The following ZDHHC15 variants were observed in gnomAD, a reference collection of about 807,000 sequenced individuals.
ZDHHC15 encodes the protein zDHHC palmitoyltransferase 15.
ZDHHC15 carries 19 observed loss-of-function variants against 31.7 expected under a neutral mutation model. The ratio of observed to expected loss-of-function variants is 0.60; its 90% CI spans 0.42 to 0.88. ZDHHC15 has a LOEUF of 0.88. ZDHHC15 is among the 40% of genes least tolerant of loss of function. The pLI is 0.00. For missense variants in ZDHHC15, 209 were observed against 251.2 expected (o/e 0.83, Z 1.14); for synonymous variants, 103 against 90.0 (o/e 1.14, Z -0.82).
intron 2 of ZDHHC15, among the ~76,000 whole-genome samples, chrX:75,492,999 T>A (rs2148015587): frequency 9.1e-6 from 1 of 110,439 alleles, no homozygotes; most frequent in East Asian, 2.9e-4. Context: ...CAGGAACTGG[T>A]TTTTTCAAAA....
intron 2 of ZDHHC15, among the ~76,000 whole-genome samples, chrX:75,479,331 C>T (rs1158510959): frequency 3.6e-5 from 4 of 111,835 alleles, no homozygotes; most frequent in Non-Finnish European, 7.5e-5. Flanking sequence ...TTACACAGCA[C>T]TTTAGAGTTT....
rs534146343 is a variant in ZDHHC15, at chrX:75,425,567, A to G, written c.604-783T>C. Among the ~76,000 whole-genome samples, 8 of 112,598 alleles carry G rather than the reference A, an allele frequency of 7.1e-5. No homozygotes were observed. In the South Asian group the frequency reaches 2.9e-3, roughly 41 times the overall value. On this transcript the variant is annotated intron_variant, in intron 7 of 11. Transcript: ENST00000373367. ...GCAGCATGTAACATTTATCTTCTGA[A>G]GAGAATCTTAGAAAACATTTTCAAT...
intron 9 of ZDHHC15, among the ~76,000 whole-genome samples, chrX:75,418,296 G>T (rs777388058): frequency 2.7e-5 from 3 of 111,553 alleles, no homozygotes; most frequent in Non-Finnish European, 3.8e-5. Flanking sequence ...CAATCAAGGA[G>T]AAATTTTTCC....
chrX:75,444,718 A>G (rs2084009131), intron 4 of ZDHHC15, among the ~76,000 whole-genome samples: 1 of 95,497 alleles, frequency 1.0e-5, no homozygotes, highest in Non-Finnish European at 2.0e-5. Context: ...ACACAAATTT[A>G]TGTAGAATGG....
chrX:75,405,808 C>A (rs1454673531), intron 10 of ZDHHC15, among the ~76,000 whole-genome samples: 2 of 111,685 alleles, frequency 1.8e-5, no homozygotes, highest in African/African-American at 6.5e-5. Context: ...CACACTATAC[C>A]TAATAGGCCC....
At chrX:75,457,029 G>A (rs2084235010) in intron 3 of ZDHHC15, among the ~76,000 whole-genome samples, 1 of 111,900 alleles carries the variant, frequency 8.9e-6, no homozygotes, top group African/African-American at 3.2e-5. Context: ...GTTTGGCACA[G>A]TGTAAGTACT....
At chrX:75,451,608 G>T (rs1040115645) in intron 3 of ZDHHC15, among the ~76,000 whole-genome samples, 4 of 111,400 alleles carry the variant, frequency 3.6e-5, no homozygotes, top group African/African-American at 1.3e-4. Context: ...TGAAAAAAAG[G>T]ATCTGTGGTC....
At chrX:75,441,666 C>T (rs2083942995) in intron 4 of ZDHHC15, among the ~76,000 whole-genome samples, 1 of 105,244 alleles carries the variant, frequency 9.5e-6, no homozygotes, top group African/African-American at 3.5e-5. Context: ...CTCTGTCGCC[C>T]AGGCTGGAGT....
intron 10 of ZDHHC15, among the ~76,000 whole-genome samples, chrX:75,411,627 G>T (rs73625845): frequency 0.012 from 1,315 of 112,204 alleles, 23 homozygotes; most frequent in African/African-American, 0.041. Context: ...TACACATTAT[G>T]AATGTATAAA....
At chrX:75,400,775 A>T (rs1401911748) in intron 10 of ZDHHC15, among the ~76,000 whole-genome samples, 1 of 111,787 alleles carries the variant, frequency 8.9e-6, no homozygotes. Context: ...CAGGCTAACA[A>T]TGGAACTCTC....
chrX:75,390,066 T>C (rs1473029727), intron 10 of ZDHHC15, among the ~76,000 whole-genome samples: 1 of 111,909 alleles, frequency 8.9e-6, no homozygotes, highest in East Asian at 2.8e-4. Context: ...ACATTGCCAG[T>C]AGCCAGGCAG....
intron 1 of ZDHHC15, 100 bp from the exon 2 acceptor site, chrX:75,505,947 C>A: frequency 2.7e-6 from 2 of 735,034 alleles, no homozygotes; most frequent in East Asian, 3.3e-5. Flanking sequence ...TTGTCTAACT[C>A]ATTTTCCACA....
At chrX:75,442,751 C>A (rs1433941673) in intron 4 of ZDHHC15, among the ~76,000 whole-genome samples, 2 of 110,526 alleles carry the variant, frequency 1.8e-5, no homozygotes, top group Admixed American at 1.9e-4. Context: ...CTTTGGGAGG[C>A]CGAGGCGGGT....
At chrX:75,378,935 T>A (rs1194100107) in intron 11 of ZDHHC15, among the ~76,000 whole-genome samples, 185 bp downstream of exon 11, 2 of 111,490 alleles carry the variant, frequency 1.8e-5, no homozygotes, top group Non-Finnish European at 3.8e-5. Flanking sequence ...AAGGGCATCT[T>A]TTTTTTCAGC....
chrX:75,490,601 T>G (rs1231816145), intron 2 of ZDHHC15, among the ~76,000 whole-genome samples: 3 of 111,885 alleles, frequency 2.7e-5, no homozygotes, highest in Non-Finnish European at 5.6e-5. Flanking sequence ...ATTTTCATGA[T>G]ACTGATTCGT....
At chrX:75,403,062 C>A (rs1409569490) in intron 10 of ZDHHC15, among the ~76,000 whole-genome samples, 2 of 111,875 alleles carry the variant, frequency 1.8e-5, no homozygotes, top group South Asian at 7.5e-4. Context: ...ATTTCATCCC[C>A]GGAATGCAAA....
intron 1 of ZDHHC15, among the ~76,000 whole-genome samples, chrX:75,513,343 T>G (rs1447874350): frequency 8.9e-6 from 1 of 111,928 alleles, no homozygotes; most frequent in African/African-American, 3.2e-5. Context: ...CTAAGAGTAC[T>G]CCAGACTTAC....
chrX:75,486,115 C>A (rs1391167246), intron 2 of ZDHHC15, among the ~76,000 whole-genome samples: 1 of 112,391 alleles, frequency 8.9e-6, no homozygotes, highest in Non-Finnish European at 1.9e-5. Context: ...AAACTGAGTT[C>A]CCAAAGTATG....
intron 10 of ZDHHC15, among the ~76,000 whole-genome samples, chrX:75,397,269 G>A (rs1158348915): frequency 9.1e-6 from 1 of 109,551 alleles, no homozygotes; most frequent in African/African-American, 3.3e-5. Flanking sequence ...GGAGGTTGCA[G>A]TGAGCTGAGA....
Sources: gnomAD v4.1 joint callset for allele counts (sites outside exome capture counted in the v4.1 genomes callset) on GRCh38, gnomAD v4.1.1 for gene constraint, MANE v1.5 for transcripts, NCBI Gene and HGNC (gene_info 2026-07-23, HGNC 2026-07-21) for gene names.